Variants in PPP2R2C observed in about 807,000 individuals in gnomAD.
The protein encoded by PPP2R2C is protein phosphatase 2, regulatory subunit B, gamma.
Under a neutral mutation model 45.3 loss-of-function variants are expected in PPP2R2C, and 10 were observed. That is an observed-to-expected ratio of 0.22 (90% CI 0.14 to 0.37). The LOEUF is 0.37. Among genes scored for constraint, PPP2R2C ranks in the 10% least tolerant of loss-of-function variants. The pLI, the probability that PPP2R2C is intolerant of heterozygous loss-of-function variation, is 1.00. For synonymous variants in PPP2R2C, 257 were observed against 245.4 expected, an observed-to-expected ratio of 1.05 and a Z score of -0.44; for missense variants, 308 against 619.7, an observed-to-expected ratio of 0.50 and a Z score of 5.34.
chr4:6,366,329 G>T (rs1052283682), intron 5 of PPP2R2C, among the ~76,000 whole-genome samples: 64 of 152,338 alleles, frequency 4.2e-4, no homozygotes, highest in African/African-American at 1.5e-3. Flanking sequence ...GCACTTTAGG[G>T]TCTGGGGTCT....
At chr4:6,477,309 G>A (rs1008368949), upstream of PPP2R2C, among the ~76,000 whole-genome samples, 10 of 152,142 alleles carry the variant, frequency 6.6e-5, no homozygotes, top group Non-Finnish European at 1.2e-4. Context: ...AGTCATGGAC[G>A]TCAACCAGTT....
intron 2 of PPP2R2C, among the ~76,000 whole-genome samples, chr4:6,509,372 A>G (rs1723349918): frequency 1.3e-5 from 2 of 152,336 alleles, no homozygotes; most frequent in South Asian, 2.1e-4. Flanking sequence ...CAACATGTCA[A>G]AGATTTATTA....
chr4:6,539,372 C>A (rs1242901909), intron 1 of PPP2R2C, among the ~76,000 whole-genome samples: 1 of 152,146 alleles, frequency 6.6e-6, no homozygotes, highest in Non-Finnish European at 1.5e-5. Context: ...TTCTAGCCTC[C>A]AGAACTGGGG....
intron 1 of PPP2R2C, among the ~76,000 whole-genome samples, chr4:6,535,617 G>C (rs1417926676): frequency 2.0e-5 from 3 of 152,154 alleles, no homozygotes; most frequent in Non-Finnish European, 2.9e-5. Flanking sequence ...TTCCCCTCGG[G>C]CTATTTTGGC....
At position 6,337,112 on chromosome 4, in the gene PPP2R2C, GTATATATATATATATATATATATATA is replaced by G. The variant is rs61657951; in HGVS notation, c.791-3407_791-3382del. Among the ~76,000 whole-genome samples, 29 of 30,116 alleles carry G rather than the reference GTATATATATATATATATATATATATA, an allele frequency of 9.6e-4. 1 individual carries two copies. The South Asian group carries it at 0.032, about 33-fold the overall frequency. 19.8% of individuals were successfully genotyped at this position (30,116 alleles called of 152,430 possible). ...CATCTTTGTTTCTGTATGTGTGTGT[GTATATATATATATATATATATATATA>G]TATATATATATATATATATATATTT... On this transcript the variant is annotated intron_variant, in intron 6 of 8. Coordinates refer to ENST00000382599, the MANE Select transcript of PPP2R2C (RefSeq NM_020416.4).
At chr4:6,484,021 T>C (rs528853470) in intron 2 of PPP2R2C, among the ~76,000 whole-genome samples, 1 of 152,184 alleles carries the variant, frequency 6.6e-6, no homozygotes, top group East Asian at 1.9e-4. Context: ...CAGAGTTCTA[T>C]CATTACAACA....
chr4:6,349,933 A>C, intron 5 of PPP2R2C: 1 of 985,290 alleles, frequency 1.0e-6, no homozygotes, highest in Non-Finnish European at 1.2e-6. Context: ...TCTAAACCCG[A>C]GGGTTTATAA....
chr4:6,432,101 G>A (rs1577178580), intron 1 of PPP2R2C, among the ~76,000 whole-genome samples: 2 of 152,132 alleles, frequency 1.3e-5, no homozygotes, highest in Admixed American at 1.3e-4. Flanking sequence ...ATACGAATTT[G>A]GGAGAAACCA....
At chr4:6,424,066 C>G (rs145813352) in intron 1 of PPP2R2C, among the ~76,000 whole-genome samples, 93 of 152,326 alleles carry the variant, frequency 6.1e-4, no homozygotes, top group Middle Eastern at 3.4e-3. Flanking sequence ...GCAGAAGCTG[C>G]TAAGGATGTG....
intron 4 of PPP2R2C, among the ~76,000 whole-genome samples, chr4:6,374,878 C>T (rs531123412): frequency 7.9e-5 from 12 of 152,230 alleles, no homozygotes; most frequent in Admixed American, 3.3e-4. Flanking sequence ...GTTGGCGTGG[C>T]GTGGGTGAAA....
At chr4:6,403,981 CCT>C (rs1717621824) in intron 1 of PPP2R2C, among the ~76,000 whole-genome samples, 1 of 152,158 alleles carries the variant, frequency 6.6e-6, no homozygotes, top group Admixed American at 6.5e-5. Flanking sequence ...AGGGGACTGC[CCT>C]CTCTCTCCAA....
intron 1 of PPP2R2C, among the ~76,000 whole-genome samples, chr4:6,448,872 A>G (rs1720576404): frequency 6.6e-6 from 1 of 151,802 alleles, no homozygotes; most frequent in African/African-American, 2.4e-5. Flanking sequence ...GTCCTGCTGA[A>G]CTCCGGGCGG....
At chr4:6,542,766 G>C (rs1724845612) in intron 1 of PPP2R2C, among the ~76,000 whole-genome samples, 1 of 150,784 alleles carries the variant, frequency 6.6e-6, no homozygotes, top group South Asian at 2.1e-4. Context: ...AGAAGAAACA[G>C]ATAAATTTCT....
chr4:6,539,035 C>T (rs148699233), intron 1 of PPP2R2C, among the ~76,000 whole-genome samples: 24 of 152,274 alleles, frequency 1.6e-4, no homozygotes, highest in Admixed American at 1.6e-3. Flanking sequence ...ACCCCTAGAA[C>T]CTCAGGATGT....
intron 1 of PPP2R2C, among the ~76,000 whole-genome samples, chr4:6,388,981 T>C (rs1716418302): frequency 6.6e-6 from 1 of 151,756 alleles, no homozygotes; most frequent in Non-Finnish European, 1.5e-5. Flanking sequence ...CTTGCTGGCT[T>C]TCTTCTCCAC....
Position 6,368,286 on chromosome 4 carries a change from G to T in PPP2R2C, c.625+4237C>A, listed in dbSNP as rs940584035. 6.6e-6 allele frequency among the ~76,000 whole-genome samples: 1 copy of T among 152,212 alleles called. No individual in the cohort carries two copies. Among genetic ancestry groups the T allele is most frequent in the Non-Finnish European group, 1.5e-5 (1 of 68,040 alleles). ...CTGAGGCCTGCAGCCAGCAGCAGGC[G>T]TGGCTGGAGAGAAATGTACACGGCT... On this transcript the variant is annotated intron_variant, in intron 5 of 8. Coordinates refer to ENST00000382599, the MANE Select transcript of PPP2R2C (RefSeq NM_020416.4). This position sits in a 1 kb window ranked among gnomAD's most constrained non-coding sequence, Gnocchi z 4.2.
intron 1 of PPP2R2C, among the ~76,000 whole-genome samples, chr4:6,557,870 G>A (rs571004842): frequency 2.6e-5 from 4 of 152,082 alleles, no homozygotes; most frequent in Non-Finnish European, 5.9e-5. Context: ...CACAACGGAC[G>A]CTGGCCTGGA....
chr4:6,382,493 A>C (rs1715876593), intron 1 of PPP2R2C: 3 of 1,352,024 alleles, frequency 2.2e-6, no homozygotes, highest in Non-Finnish European at 2.9e-6. Context: ...CCCTCTATTC[A>C]AAACCCTTCA....
intron 1 of PPP2R2C, among the ~76,000 whole-genome samples, chr4:6,396,588 C>G (rs997942079): frequency 9.9e-4 from 151 of 152,262 alleles, no homozygotes; most frequent in African/African-American, 3.4e-3. Flanking sequence ...GTGAGCACCC[C>G]TCACACTTGC....
Sources: allele counts gnomAD v4.1 joint callset (sites outside exome capture counted in the v4.1 genomes callset), GRCh38; gene constraint gnomAD v4.1.1; non-coding constraint Gnocchi (gnomAD v3.1); transcripts MANE v1.5; gene names NCBI Gene and HGNC (gene_info 2026-07-23, HGNC 2026-07-21).